Variants in EPB41L4A observed in about 807,000 individuals in gnomAD.
The protein encoded by EPB41L4A is erythrocyte membrane protein band 4.1 like 4A.
Under a neutral mutation model 108.6 loss-of-function variants are expected in EPB41L4A, and 100 were observed. The ratio of observed to expected loss-of-function variants is 0.92; its 90% CI spans 0.78 to 1.09. The LOEUF (loss-of-function observed/expected upper bound fraction) is 1.09, where lower values mean the gene tolerates loss of function less well. Among genes scored for constraint, EPB41L4A ranks in the 50% least tolerant of loss-of-function variants. EPB41L4A has a pLI of 0.00. For synonymous variants in EPB41L4A, 319 were observed against 289.0 expected (o/e 1.10, Z -1.05); for missense variants, 1,030 against 842.7 (o/e 1.22, Z -2.75).
intron 18 of EPB41L4A, among the ~76,000 whole-genome samples, chr5:112,180,728 T>C (rs1367976236): frequency 6.7e-6 from 1 of 148,446 alleles, no homozygotes; most frequent in Non-Finnish European, 1.5e-5. Context: ...AATTAAAAAG[T>C]CTGCTCATCA....
At chr5:112,413,027 T>C (rs888956436) in intron 1 of EPB41L4A, among the ~76,000 whole-genome samples, 4 of 152,172 alleles carry the variant, frequency 2.6e-5, no homozygotes, top group Admixed American at 6.5e-5. Context: ...TGGTTCACAA[T>C]AGCATAAACC....
At chr5:112,213,685 A>G (rs1407050496) in intron 12 of EPB41L4A, among the ~76,000 whole-genome samples, 1 of 152,090 alleles carries the variant, frequency 6.6e-6, no homozygotes, top group Non-Finnish European at 1.5e-5. Context: ...TGAACTAAAT[A>G]TCTCTTCATC....
chr5:112,331,250 C>G (rs923051020), intron 1 of EPB41L4A, among the ~76,000 whole-genome samples: 2 of 152,190 alleles, frequency 1.3e-5, no homozygotes, highest in African/African-American at 4.8e-5. Context: ...GCCAAAAACC[C>G]GGTCCAGAAC....
chr5:112,270,631 C>T (rs1752200651), intron 4 of EPB41L4A, among the ~76,000 whole-genome samples: 1 of 152,232 alleles, frequency 6.6e-6, no homozygotes, highest in African/African-American at 2.4e-5. Context: ...AAAGTCCTTT[C>T]GCTTCCATAA....
intron 2 of EPB41L4A, among the ~76,000 whole-genome samples, chr5:112,292,050 T>C (rs1436416614): frequency 6.6e-6 from 1 of 152,222 alleles, no homozygotes; most frequent in African/African-American, 2.4e-5. Flanking sequence ...CACAAAACTC[T>C]AGCATATCAT....
intron 1 of EPB41L4A, among the ~76,000 whole-genome samples, chr5:112,377,047 T>TA (rs997880232): frequency 9.6e-4 from 145 of 151,532 alleles, no homozygotes; most frequent in Admixed American, 4.1e-3. Flanking sequence ...CTATAAAACA[T>TA]AAAAAAAATT....
At chr5:112,342,068 ACT>A (rs1757357078) in intron 1 of EPB41L4A, among the ~76,000 whole-genome samples, 1 of 152,182 alleles carries the variant, frequency 6.6e-6, no homozygotes, top group Non-Finnish European at 1.5e-5. Context: ...AAACTGTAAA[ACT>A]CTGTCACAGA....
intron 15 of EPB41L4A, among the ~76,000 whole-genome samples, chr5:112,198,710 G>A (rs995320315): frequency 9.2e-5 from 14 of 152,020 alleles, no homozygotes; most frequent in African/African-American, 3.4e-4. Flanking sequence ...CCGTTTTGGA[G>A]AAGATTTTCT....
intron 4 of EPB41L4A, among the ~76,000 whole-genome samples, chr5:112,270,534 A>T (rs1486485994): frequency 6.6e-6 from 1 of 152,234 alleles, no homozygotes; most frequent in Non-Finnish European, 1.5e-5. Context: ...TAACTCTTTA[A>T]CCTCTAAAGT....
intron 4 of EPB41L4A, among the ~76,000 whole-genome samples, chr5:112,269,473 T>A (rs962694037): frequency 6.6e-6 from 1 of 152,118 alleles, no homozygotes; most frequent in African/African-American, 2.4e-5. Flanking sequence ...TTATAGTAAA[T>A]TTAGTATTTT....
At chr5:112,144,562 C>A (rs1759179576) in intron 13 of EPB41L4A, among the ~76,000 whole-genome samples, 1 of 152,116 alleles carries the variant, frequency 6.6e-6, no homozygotes, top group Non-Finnish European at 1.5e-5. Context: ...CAAGTATGAG[C>A]CACCGCGCCT....
At chr5:112,392,929 A>C (rs1045948659) in intron 1 of EPB41L4A, 4 of 152,260 alleles carry the variant, frequency 2.6e-5, no homozygotes, top group African/African-American at 7.2e-5. Flanking sequence ...ATTCAGGACT[A>C]AGAAACTCAC....
intron 2 of EPB41L4A, among the ~76,000 whole-genome samples, chr5:112,304,710 G>C (rs1012768011): frequency 1.3e-5 from 2 of 151,952 alleles, no homozygotes; most frequent in Non-Finnish European, 1.5e-5. Context: ...TCCCATCCTA[G>C]TTTCAACAGG....
intron 1 of EPB41L4A, among the ~76,000 whole-genome samples, chr5:112,402,059 G>A (rs1001041860): frequency 3.9e-5 from 6 of 152,140 alleles, no homozygotes; most frequent in African/African-American, 1.2e-4. Context: ...TTGCGTCCCC[G>A]CCCAAATCTC....
At chr5:112,192,958 G>A (rs551915436) in intron 17 of EPB41L4A, among the ~76,000 whole-genome samples, 18 of 152,266 alleles carry the variant, frequency 1.2e-4, no homozygotes, top group African/African-American at 3.6e-4. Flanking sequence ...TGTTGTTTGC[G>A]CAGAAATACT....
At chr5:112,344,877 T>A (rs1353424311) in intron 1 of EPB41L4A, among the ~76,000 whole-genome samples, 1 of 152,240 alleles carries the variant, frequency 6.6e-6, no homozygotes, top group Non-Finnish European at 1.5e-5. Context: ...AGAAAGAGAC[T>A]GGAGTGCTTG....
intron 1 of EPB41L4A, among the ~76,000 whole-genome samples, chr5:112,349,164 C>G (rs543869520): frequency 1.3e-5 from 2 of 151,944 alleles, no homozygotes; most frequent in Admixed American, 6.5e-5. Flanking sequence ...GAGTGCCAGA[C>G]AGAAAACAGT....
intron 17 of EPB41L4A, among the ~76,000 whole-genome samples, chr5:112,186,077 G>C (rs532864765): frequency 3.5e-4 from 53 of 152,264 alleles, no homozygotes; most frequent in African/African-American, 1.3e-3. Context: ...CCCAGGATTG[G>C]ACACAAAACT....
At chr5:112,335,437 A>C (rs1053207647) in intron 1 of EPB41L4A, among the ~76,000 whole-genome samples, 7 of 152,222 alleles carry the variant, frequency 4.6e-5, no homozygotes, top group African/African-American at 1.7e-4. Flanking sequence ...ATAGTTTAAG[A>C]GATACAGAAT....
Sources: allele counts gnomAD v4.1 joint callset (sites outside exome capture counted in the v4.1 genomes callset), GRCh38; gene constraint gnomAD v4.1.1; transcripts MANE v1.5; gene names NCBI Gene and HGNC (gene_info 2026-07-23, HGNC 2026-07-21).